The following C1QTNF7 variants were observed in gnomAD, a reference collection of about 807,000 sequenced individuals.
C1QTNF7 encodes complement C1q tumor necrosis factor-related protein 7.
C1QTNF7 carries 15 observed loss-of-function variants against 19.6 expected under a neutral mutation model. The ratio of observed to expected loss-of-function variants is 0.76; its 90% CI spans 0.51 to 1.18. The LOEUF is 1.18. C1QTNF7 is among the 50% of genes most tolerant of loss of function. The probability of loss-of-function intolerance (pLI) is 0.00; values close to 1 mark genes in which losing one functional copy is unlikely to be tolerated. For missense variants in C1QTNF7, 324 were observed against 359.7 expected (o/e 0.90, Z 0.80); for synonymous variants, 142 against 137.5 (o/e 1.03, Z -0.23).
chr4:15,357,050 T>A (rs1473580368), intron 1 of C1QTNF7, among the ~76,000 whole-genome samples: 1 of 151,844 alleles, frequency 6.6e-6, no homozygotes, highest in Non-Finnish European at 1.5e-5. Context: ...GTAGGTTGCC[T>A]GTTCACTCTG....
At chr4:15,374,778 A>T in intron 1 of C1QTNF7, 1 of 959,782 alleles carries the variant, frequency 1.0e-6, no homozygotes. Context: ...ATGTAAGTAA[A>T]CAGCCCTCTC....
Position 15,442,326 on chromosome 4 carries a change from C to G in C1QTNF7, c.397C>G (p.Pro133Ala). The G allele has an allele frequency of 6.2e-7, 1 of 1,614,006 alleles. No individual in the cohort carries two copies. The highest frequency in any genetic ancestry group is 8.5e-7 in the Non-Finnish European group (1 of 1,179,986). ...GGGAGACAGAGGAGAACAAGGGGAC[C>G]CGGGGCTGCCTGGAGTTTGCAGATG... ...PKGDRGEQGD[P>A]GLPGVCRCGS... is the part of the protein sequence containing the mutation. The change falls in exon 3 of 3, where the codon CCG becomes GCG. Residue 133 changes from proline (P) to alanine (A), a missense_variant. Pro to Ala is a conservative substitution (Grantham distance 27). Transcript: ENST00000444304.
intron 1 of C1QTNF7, among the ~76,000 whole-genome samples, chr4:15,389,620 T>C (rs540568508): frequency 6.6e-6 from 1 of 152,242 alleles, no homozygotes; most frequent in East Asian, 1.9e-4. Context: ...GGTTTCACCA[T>C]GTTGGTCAGG....
intron 1 of C1QTNF7, among the ~76,000 whole-genome samples, chr4:15,364,610 A>AC (rs529605579): frequency 1.2e-3 from 181 of 152,362 alleles, no homozygotes; most frequent in African/African-American, 4.1e-3. Context: ...GTTAAAATGA[A>AC]CAGACAATCC....
intron 1 of C1QTNF7, chr4:15,374,593 C>G: frequency 1.0e-6 from 1 of 985,446 alleles, no homozygotes. Context: ...TCTGCCACCG[C>G]TCAAAGCCTG....
chr4:15,416,934 C>A lies in C1QTNF7; in HGVS notation c.14-18802C>A, dbSNP rs184182375. 7.9e-4 allele frequency among the ~76,000 whole-genome samples: 120 copies of A among 152,342 alleles called. 1 individual carries two copies. The highest frequency in any genetic ancestry group is 3.4e-3 in the Middle Eastern group (1 of 294). ...TACCTTCTTGCTTGTCTATTGCATT[C>A]TCTCTAGTCTTAGCTTTATTTCCCT... On this transcript the variant is annotated intron_variant, in intron 1 of 2. Transcript: ENST00000295297.
At chr4:15,398,535 G>A (rs967577420) in intron 1 of C1QTNF7, among the ~76,000 whole-genome samples, 2 of 152,146 alleles carry the variant, frequency 1.3e-5, no homozygotes, top group Admixed American at 6.5e-5. Context: ...CCTGGGTCTA[G>A]GCTCAGGACT....
chr4:15,374,770 G>GT (rs1385020308), intron 1 of C1QTNF7: 20 of 978,632 alleles, frequency 2.0e-5, no homozygotes, highest in Middle Eastern at 5.2e-4. Context: ...TGTGAGCAAT[G>GT]TAAGTAAACA....
chr4:15,424,967 C>T (rs958638339), upstream of C1QTNF7, among the ~76,000 whole-genome samples: 2 of 152,074 alleles, frequency 1.3e-5, no homozygotes, highest in African/African-American at 4.8e-5. Context: ...TTTGTCTCTA[C>T]AAGGTCTCTT....
intron 1 of C1QTNF7, among the ~76,000 whole-genome samples, chr4:15,364,580 G>A (rs549949058): frequency 1.2e-4 from 19 of 152,274 alleles, no homozygotes; most frequent in Middle Eastern, 3.4e-3. Context: ...GCTCTAATAA[G>A]ACACGTTTCT....
chr4:15,367,984 C>T (rs1399415351), intron 1 of C1QTNF7, among the ~76,000 whole-genome samples: 1 of 152,148 alleles, frequency 6.6e-6, no homozygotes, highest in East Asian at 1.9e-4. Flanking sequence ...CATGAAGTCA[C>T]TGCCAAAACT....
chr4:15,362,163 A>G (rs945711666), intron 1 of C1QTNF7, among the ~76,000 whole-genome samples: 9 of 152,208 alleles, frequency 5.9e-5, no homozygotes, highest in African/African-American at 2.2e-4. Flanking sequence ...TTAATAATTT[A>G]AAGTGTTTAG....
At chr4:15,387,547 C>T (rs1718385244) in intron 1 of C1QTNF7, among the ~76,000 whole-genome samples, 1 of 152,238 alleles carries the variant, frequency 6.6e-6, no homozygotes, top group African/African-American at 2.4e-5. Flanking sequence ...ACAGTGGTTT[C>T]TGAAGGACAA....
intron 2 of C1QTNF7, among the ~76,000 whole-genome samples, chr4:15,441,936 G>A (rs1712774331): frequency 1.3e-5 from 2 of 152,002 alleles, no homozygotes; most frequent in African/African-American, 4.8e-5. Flanking sequence ...CAGGAGAATT[G>A]CTTGAACCCG....
intron 1 of C1QTNF7, among the ~76,000 whole-genome samples, chr4:15,429,340 C>T (rs189321833): frequency 5.9e-5 from 9 of 152,292 alleles, no homozygotes; most frequent in Non-Finnish European, 2.9e-5. Flanking sequence ...AGGACTTCTT[C>T]GTCTTCCCAA....
intron 1 of C1QTNF7, among the ~76,000 whole-genome samples, chr4:15,431,590 G>A (rs994387112): frequency 1.3e-5 from 2 of 152,106 alleles, no homozygotes; most frequent in African/African-American, 4.8e-5. Flanking sequence ...ACTGCAAAAA[G>A]GACACATAGG....
At chr4:15,438,341 G>A (rs762757334) in intron 2 of C1QTNF7, among the ~76,000 whole-genome samples, 2 of 152,160 alleles carry the variant, frequency 1.3e-5, no homozygotes, top group Non-Finnish European at 1.5e-5. Flanking sequence ...GAACAGCCTG[G>A]GAGATTTGGG....
rs367641365 is a variant in C1QTNF7, at chr4:15,435,838, A to C, written c.95A>C (p.Tyr32Ser). The C allele has an allele frequency of 2.9e-5, 46 of 1,614,030 alleles. No homozygotes were observed. The highest frequency in any genetic ancestry group is 6.7e-5 in the Admixed American group (4 of 60,000). Residue 32 changes from tyrosine (Y) to serine (S), a missense_variant, in exon 2 of 3, where the codon TAT (tyrosine) becomes TCT (serine). Physicochemically the swap from Tyr to Ser is moderately radical, Grantham distance 144. Transcript: ENST00000444304. ...QLKGENYSPRYICSIPGLPGP... is the reference protein window; with the variant it reads ...QLKGENYSPRSICSIPGLPGP... ...AAAGGAGAGAACTACTCCCCCAGGT[A>C]TATCTGCAGCATTCCTGGCTTGCCT...
chr4:15,402,790 G>A (rs1310118224), intron 1 of C1QTNF7, among the ~76,000 whole-genome samples: 2 of 152,078 alleles, frequency 1.3e-5, no homozygotes, highest in Non-Finnish European at 2.9e-5. Context: ...TTTTTATTCT[G>A]ATACATTCAA....
Sources: allele counts gnomAD v4.1 joint callset (sites outside exome capture counted in the v4.1 genomes callset), GRCh38; gene constraint gnomAD v4.1.1; transcripts MANE v1.5; gene names NCBI Gene and HGNC (gene_info 2026-07-23, HGNC 2026-07-21).